The following DMD variants were observed in gnomAD, a reference collection of about 807,000 sequenced individuals.
DMD encodes the protein dystrophin, also known as mutant dystrophin.
In DMD, 63 loss-of-function variants were observed where a neutral mutation model predicts 330.1. That is an observed-to-expected ratio of 0.19 (90% CI 0.16 to 0.24). The LOEUF (loss-of-function observed/expected upper bound fraction) is 0.24, where lower values mean the gene tolerates loss of function less well. Among genes scored for constraint, DMD ranks in the 10% least tolerant of loss-of-function variants. The pLI, the probability that DMD is intolerant of heterozygous loss-of-function variation, is 1.00. For synonymous variants in DMD, 1,223 were observed against 959.8 expected (o/e 1.27, Z -5.07); for missense variants, 3,344 against 2,684.1 (o/e 1.25, Z -5.43).
At chrX:32,972,421 C>A (rs906303994) in intron 2 of DMD, among the ~76,000 whole-genome samples, 1 of 111,289 alleles carries the variant, frequency 9.0e-6, no homozygotes, top group East Asian at 2.8e-4. Flanking sequence ...CTCAAGTGAT[C>A]TGCCCACCTT....
chrX:32,406,222 T>A (rs1009758957), intron 30 of DMD, among the ~76,000 whole-genome samples: 1 of 111,558 alleles, frequency 9.0e-6, no homozygotes, highest in Non-Finnish European at 1.9e-5. Flanking sequence ...ACTTCCTCTT[T>A]TCCTGATTGA....
intron 76 of DMD, among the ~76,000 whole-genome samples, chrX:31,138,827 A>G (rs947843921): frequency 9.0e-6 from 1 of 111,472 alleles, no homozygotes; most frequent in African/African-American, 3.3e-5. Flanking sequence ...TGGGGATTAC[A>G]ATTTGAGATG....
chrX:33,337,161 T>C (rs1435399063), intron 1 of DMD, among the ~76,000 whole-genome samples: 1 of 111,716 alleles, frequency 9.0e-6, no homozygotes, highest in East Asian at 2.8e-4. Context: ...CTTTTAAAAG[T>C]AACTATGGTA....
rs1048549819 is a variant in DMD, at chrX:32,749,777, T to C, written c.650-50484A>G. Among the ~76,000 whole-genome samples, 13 of 112,463 alleles carry C rather than the reference T, an allele frequency of 1.2e-4. No individual in the cohort carries two copies. The East Asian group carries it at 3.4e-3, about 29-fold the overall frequency. ...AAGGCAGAACTACGTAAAATTATCATGTCTGTAAACAACAAAAAAATGACA... is the reference window on the plus strand; with the variant it reads ...AAGGCAGAACTACGTAAAATTATCACGTCTGTAAACAACAAAAAAATGACA... On this transcript the variant is annotated intron_variant, in intron 7 of 78. Transcript: ENST00000357033.
chrX:32,627,297 G>A (rs1320392849), intron 11 of DMD, among the ~76,000 whole-genome samples: 2 of 102,694 alleles, frequency 1.9e-5, no homozygotes, highest in East Asian at 5.8e-4. Flanking sequence ...TGGAGACAAA[G>A]GATCAGGATG....
intron 55 of DMD, among the ~76,000 whole-genome samples, chrX:31,623,773 G>A (rs750167620): frequency 9.0e-6 from 1 of 111,139 alleles, no homozygotes; most frequent in South Asian, 3.9e-4. Context: ...CCAGATCACA[G>A]ATGAAGGTAT....
intron 7 of DMD, among the ~76,000 whole-genome samples, chrX:32,792,279 C>A (rs1360130867): frequency 1.8e-5 from 2 of 110,742 alleles, no homozygotes; most frequent in Admixed American, 1.9e-4. Context: ...CAACTACCAT[C>A]ATGAAAACAC....
At chrX:32,092,955 A>G (rs1214338996) in intron 44 of DMD, among the ~76,000 whole-genome samples, 1 of 110,073 alleles carries the variant, frequency 9.1e-6, no homozygotes, top group African/African-American at 3.3e-5. Flanking sequence ...CATTGTTTCT[A>G]TTGCTCCCTG....
At chrX:31,580,807 T>TTC (rs928249069) in intron 55 of DMD, among the ~76,000 whole-genome samples, 3 of 110,601 alleles carry the variant, frequency 2.7e-5, no homozygotes, top group African/African-American at 6.6e-5. Context: ...TAATTTCTCT[T>TTC]TCTCTCTCTC....
At chrX:32,401,261 G>A (rs972925165) in intron 30 of DMD, among the ~76,000 whole-genome samples, 13 of 109,437 alleles carry the variant, frequency 1.2e-4, no homozygotes, top group African/African-American at 4.3e-4. Flanking sequence ...CAGCGCACCA[G>A]CATGGCACAT....
In DMD at chrX:32,646,959, T is replaced by C. The variant is rs143989210; in HGVS notation, c.961-1807A>G. Among the ~76,000 whole-genome samples, 746 of 110,842 alleles carry C rather than the reference T, an allele frequency of 6.7e-3. 5 individuals are homozygous for C. Among genetic ancestry groups the C allele is most frequent in the African/African-American group, 0.023 (716 of 30,498 alleles). ...ACAGTAAGGCAATTTCTGAAGGTCT[T>C]AGGGGTTAGAACAACTTCCATGGTG... On this transcript the variant is annotated intron_variant, in intron 9 of 78. Transcript: ENST00000357033.
chrX:32,880,586 T>A lies in DMD; in HGVS notation c.94-30766A>T, dbSNP rs112711778. 4.3e-3 allele frequency among the ~76,000 whole-genome samples: 482 copies of A among 112,372 alleles called. 8 individuals carry two copies. The East Asian group carries it at 0.064, about 15-fold the overall frequency. On this transcript the variant is annotated intron_variant, in intron 2 of 78. Transcript: ENST00000357033. ...CTTTTGAAATACCTATTTTTCCCAT[T>A]TATATGCCATCTCTTAACTACAGTG... is the stretch of plus-strand genomic sequence containing the variant.
intron 29 of DMD, among the ~76,000 whole-genome samples, chrX:32,429,495 T>A (rs971966621): frequency 3.5e-4 from 35 of 101,004 alleles, no homozygotes; most frequent in Non-Finnish European, 6.7e-4. Flanking sequence ...GATTAAGGCA[T>A]GAGCTACCAC....
At chrX:32,816,444 T>A in intron 6 of DMD, 24 bp downstream of exon 6, 1 of 1,208,118 alleles carries the variant, frequency 8.3e-7, no homozygotes, top group Non-Finnish European at 1.1e-6. Flanking sequence ...TACAAGTTAT[T>A]TAATGTCTCA....
chrX:31,449,779 T>TAGATAG lies in DMD; in HGVS notation c.8938-5153_8938-5152insCTATCT, dbSNP rs1205052509. On this transcript the variant is annotated intron_variant, in intron 59 of 78. Transcript: ENST00000357033. ...AAATGGTGTGATATATATATATATA[T>TAGATAG]ATATATATATATATATATAGATAGA... 8.7e-3 allele frequency among the ~76,000 whole-genome samples: 785 copies of TAGATAG among 90,405 alleles called. 3 individuals are homozygous for TAGATAG. The highest frequency in any genetic ancestry group is 0.025 in the African/African-American group (593 of 23,828). 78.5% of individuals were successfully genotyped at this position (90,405 alleles called of 115,157 possible).
chrX:31,216,844 A>T (rs1316214259), intron 64 of DMD, among the ~76,000 whole-genome samples: 2 of 111,489 alleles, frequency 1.8e-5, no homozygotes, highest in African/African-American at 6.5e-5. Flanking sequence ...GAGTCCAGAA[A>T]CTGTGACTAT....
intron 17 of DMD, among the ~76,000 whole-genome samples, chrX:32,525,394 G>A (rs1409544527): frequency 9.0e-6 from 1 of 110,779 alleles, no homozygotes; most frequent in Admixed American, 9.7e-5. Flanking sequence ...AGGATGGAAG[G>A]GTGAAGAGGA....
intron 59 of DMD, among the ~76,000 whole-genome samples, chrX:31,472,513 T>G (rs951603110): frequency 1.1e-4 from 12 of 112,288 alleles, no homozygotes; most frequent in Non-Finnish European, 2.1e-4. Context: ...GAAATTCTAA[T>G]ACATTATATC....
rs182398342 is a variant in DMD at position 32,086,655 on chromosome X, G to T, written c.6439-118141C>A. 3.7e-4 allele frequency among the ~76,000 whole-genome samples: 41 copies of T among 111,414 alleles called. No individual in the cohort carries two copies. The East Asian group carries it at 0.011, about 29-fold the overall frequency. On this transcript the variant is annotated intron_variant, in intron 44 of 78. Transcript: ENST00000357033. ...TATAAAGATGATGTAGCTGCTTGAG[G>T]CCACTCATCCTAGAAGCAGTCTGGA...
Sources: gnomAD v4.1 joint callset for allele counts (sites outside exome capture counted in the v4.1 genomes callset) on GRCh38, gnomAD v4.1.1 for gene constraint, MANE v1.5 for transcripts, NCBI Gene and HGNC (gene_info 2026-07-23, HGNC 2026-07-21) for gene names.